Variants in FRAS1 observed in about 807,000 individuals in gnomAD.
FRAS1 encodes the protein Fraser extracellular matrix complex subunit 1.
FRAS1 carries 290 observed loss-of-function variants against 435.2 expected under a neutral mutation model. That is an observed-to-expected ratio of 0.67 (90% CI 0.61 to 0.73). The LOEUF (loss-of-function observed/expected upper bound fraction) is 0.73. Ranked by LOEUF, FRAS1 falls within the 30% of genes least tolerant of loss-of-function variation. FRAS1 has a pLI of 0.00. For synonymous variants in FRAS1, 1,800 were observed against 1,851.0 expected (o/e 0.97, Z 0.71); for missense variants, 4,860 against 5,001.5 (o/e 0.97, Z 0.85).
intron 27 of FRAS1, among the ~76,000 whole-genome samples, chr4:78,382,276 G>A (rs528186151): frequency 1.3e-5 from 2 of 151,076 alleles, no homozygotes; most frequent in African/African-American, 2.4e-5. Flanking sequence ...ATAAAATAAG[G>A]CATTATTTAA....
intron 58 of FRAS1, among the ~76,000 whole-genome samples, chr4:78,487,858 G>A (rs1330876035): frequency 2.6e-5 from 4 of 152,158 alleles, no homozygotes; most frequent in East Asian, 1.9e-4. Context: ...AACTTGCCCT[G>A]TGTCACACAA....
At position 78,452,144 on chromosome 4, in the gene FRAS1, C is replaced by T. The variant is rs149585035; in HGVS notation, c.6584-31C>T. On this transcript the variant is annotated intron_variant, in intron 46 of 73. Coordinates refer to ENST00000512123, the MANE Select transcript of FRAS1 (RefSeq NM_025074.7). ...TAAAGAAAGGAGGCTGAGAAGATCC[C>T]ATTTCAAATCACTATTTCTGATATT... 738 of 1,601,866 alleles carry T rather than the reference C, an allele frequency of 4.6e-4. 4 individuals carry two copies. The African/African-American group carries it at 6.3e-3, about 14-fold the overall frequency.
chr4:78,117,152 T>G lies in FRAS1; in HGVS notation c.108+51136T>G, dbSNP rs560299842. On this transcript the variant is annotated intron_variant, in intron 2 of 73. Coordinates refer to ENST00000512123, the MANE Select transcript of FRAS1 (RefSeq NM_025074.7). ...ATGCTTGTCTTTAAAGAATGTTGAATATTGGCCCCCACTCTCTTCTGGCTT... is the reference window on the plus strand; with the variant it reads ...ATGCTTGTCTTTAAAGAATGTTGAAGATTGGCCCCCACTCTCTTCTGGCTT... Among the ~76,000 whole-genome samples the G allele has an allele frequency of 4.6e-5, 7 of 152,358 alleles. No homozygotes were observed. The East Asian group carries it at 5.8e-4, about 13-fold the overall frequency.
Position 78,067,776 on chromosome 4 carries a change from C to T in FRAS1, c.108+1760C>T, listed in dbSNP as rs7676697. Among the ~76,000 whole-genome samples the T allele has an allele frequency of 3.1e-3, 460 of 149,100 alleles. 5 individuals are homozygous for T. The highest frequency in any genetic ancestry group is 0.011 in the African/African-American group (446 of 40,672). On this transcript the variant is annotated intron_variant, in intron 2 of 73. Coordinates refer to ENST00000512123, the MANE Select transcript of FRAS1 (RefSeq NM_025074.7). The stretch of plus-strand genomic sequence containing the variant: ...TGCAGGGATCTTGGCTCACTGCAAC[C>T]TCTGCCTCTAGGGTTCAAGTGATTC...
At chr4:78,178,557 T>C (rs558843439) in intron 2 of FRAS1, among the ~76,000 whole-genome samples, 2 of 152,360 alleles carry the variant, frequency 1.3e-5, no homozygotes, top group Admixed American at 1.3e-4. Flanking sequence ...AGTGTAGTAT[T>C]TGACATTCAA....
At chr4:78,116,730 A>T (rs1404669284) in intron 2 of FRAS1, among the ~76,000 whole-genome samples, 2 of 152,156 alleles carry the variant, frequency 1.3e-5, no homozygotes, top group Non-Finnish European at 1.5e-5. Flanking sequence ...GTGTCTCTGC[A>T]CGTGAGATGG....
chr4:78,232,794 G>C (rs1724573593), intron 2 of FRAS1, among the ~76,000 whole-genome samples: 1 of 152,026 alleles, frequency 6.6e-6, no homozygotes, highest in East Asian at 1.9e-4. Flanking sequence ...ACAAACTCAG[G>C]GTTGATTATT....
At chr4:78,285,960 C>T (rs1228975672) in intron 13 of FRAS1, among the ~76,000 whole-genome samples, 1 of 152,160 alleles carries the variant, frequency 6.6e-6, no homozygotes, top group Non-Finnish European at 1.5e-5. Flanking sequence ...TTACTTATAT[C>T]TCTTTCATAC....
chr4:78,255,736 CT>C (rs1334106895), intron 6 of FRAS1, among the ~76,000 whole-genome samples: 2 of 152,114 alleles, frequency 1.3e-5, no homozygotes, highest in African/African-American at 2.4e-5. Flanking sequence ...GTATAGTCTG[CT>C]TTTTTAAGAC....
chr4:78,363,878 G>C (rs775581714), intron 21 of FRAS1, 30 bp from the exon 22 acceptor site: 1 of 1,590,512 alleles, frequency 6.3e-7, no homozygotes, highest in East Asian at 2.2e-5. Flanking sequence ...TGACATCATG[G>C]TTTCTGTTGT....
chr4:78,404,880 G>A (rs1190682218), intron 30 of FRAS1, among the ~76,000 whole-genome samples: 3 of 152,094 alleles, frequency 2.0e-5, no homozygotes, highest in Non-Finnish European at 4.4e-5. Context: ...ACTCTTACAG[G>A]CTTTCTATAT....
intron 30 of FRAS1, among the ~76,000 whole-genome samples, chr4:78,403,120 G>T (rs1246441813): frequency 6.6e-6 from 1 of 151,962 alleles, no homozygotes; most frequent in African/African-American, 2.4e-5. Context: ...ATATTTTTAA[G>T]GTCCTTTTCA....
At chr4:78,450,629 TGA>T (rs1191149702) in intron 45 of FRAS1, among the ~76,000 whole-genome samples, 1 of 151,946 alleles carries the variant, frequency 6.6e-6, no homozygotes, top group Non-Finnish European at 1.5e-5. Context: ...AAAGTATATA[TGA>T]GAGAGAGAGA....
intron 1 of FRAS1, among the ~76,000 whole-genome samples, chr4:78,063,215 A>G (rs772238411): frequency 1.3e-5 from 2 of 152,224 alleles, no homozygotes; most frequent in Non-Finnish European, 2.9e-5. Flanking sequence ...GCTTTCAACC[A>G]GAAGCTACAC....
chr4:78,474,357 C>A (rs1429319585), intron 53 of FRAS1, among the ~76,000 whole-genome samples: 1 of 152,150 alleles, frequency 6.6e-6, no homozygotes, highest in East Asian at 1.9e-4. Context: ...TTTAAGTCTA[C>A]ATTTCAGAGA....
At chr4:78,531,231 G>GA (rs1348884860) in intron 70 of FRAS1, among the ~76,000 whole-genome samples, 1 of 152,176 alleles carries the variant, frequency 6.6e-6, no homozygotes, top group Non-Finnish European at 1.5e-5. Context: ...AGCTTAAGGA[G>GA]ATTTGGTGCT....
rs146807768 is a variant in FRAS1, at chr4:78,183,780, ATATAT to A, written c.109-53725_109-53721del. Among the ~76,000 whole-genome samples, 668 of 105,824 alleles carry A rather than the reference ATATAT, an allele frequency of 6.3e-3. 2 individuals carry two copies. Among genetic ancestry groups the A allele is most frequent in the Middle Eastern group, 0.03 (6 of 200 alleles). The allele number at this position is 105,824 out of a possible 152,430, so 69.4% of individuals were successfully genotyped here. ...TGTGTGTGTGTGTGTGTGTGTTTAA[ATATAT>A]TATAGCCATACAGAGTTCTAGAAGG... On this transcript the variant is annotated intron_variant, in intron 2 of 73. Coordinates refer to ENST00000512123, the MANE Select transcript of FRAS1 (RefSeq NM_025074.7).
chr4:78,057,840 G>C lies in FRAS1; in HGVS notation c.-170G>C, dbSNP rs1315662542. Reference sequence around the variant, plus strand: ...ACCCCAGCCCGCTCCGGCGCCTCCGGGCTGATGAGTGTCGCTCTCCGCCCG... The same window carrying C: ...ACCCCAGCCCGCTCCGGCGCCTCCGCGCTGATGAGTGTCGCTCTCCGCCCG... On this transcript the variant is annotated 5_prime_UTR_variant, in exon 1 of 74. Coordinates refer to ENST00000512123, the MANE Select transcript of FRAS1 (RefSeq NM_025074.7). The surrounding 1 kb of genome is among the most constrained non-coding windows in gnomAD (Gnocchi z 4.2). The C allele has an allele frequency of 3.2e-6, 2 of 616,060 alleles. No individual in the cohort carries two copies. The highest frequency in any genetic ancestry group is 4.0e-5 in the South Asian group (2 of 49,564). The allele number at this position is 616,060 out of a possible 1,614,324, so 38.2% of individuals were successfully genotyped here.
At position 78,274,960 on chromosome 4, in the gene FRAS1, T is replaced by C. The variant is rs1193834849; in HGVS notation, c.982-3695T>C. Among the ~76,000 whole-genome samples, 10 of 152,318 alleles carry C rather than the reference T, an allele frequency of 6.6e-5. No individual in the cohort carries two copies. The South Asian group carries it at 1.7e-3, about 25-fold the overall frequency. Reference sequence around the variant, plus strand: ...TTGTGTGGGAGTCTAAGTCTCTTTGTAGGTCTCTAAGGACTTGCTTTATGA... The same window carrying C: ...TTGTGTGGGAGTCTAAGTCTCTTTGCAGGTCTCTAAGGACTTGCTTTATGA... On this transcript the variant is annotated intron_variant, in intron 9 of 73. Transcript: ENST00000512123.
Sources: gnomAD v4.1 joint callset for allele counts (sites outside exome capture counted in the v4.1 genomes callset) on GRCh38, gnomAD v4.1.1 for gene constraint, Gnocchi (gnomAD v3.1) non-coding constraint, MANE v1.5 for transcripts, NCBI Gene and HGNC (gene_info 2026-07-23, HGNC 2026-07-21) for gene names.